The following PDZD8 variants were observed in gnomAD, a reference collection of about 807,000 sequenced individuals.
PDZD8 encodes the protein PDZ domain containing 8, also known as PDZ domain-containing protein 8.
A neutral mutation model predicts 85.8 loss-of-function variants in PDZD8; 14 were observed. The observed-to-expected ratio is 0.16, with a 90% CI of 0.11 to 0.26. The LOEUF is 0.26. Ranked by LOEUF, PDZD8 falls within the 10% of genes least tolerant of loss-of-function variation. The pLI, the probability that PDZD8 is intolerant of heterozygous loss-of-function variation, is 1.00. For missense variants in PDZD8, 1,197 were observed against 1,424.3 expected (o/e 0.84, Z 2.57); for synonymous variants, 592 against 568.6 (o/e 1.04, Z -0.59).
chr10:117,297,854 A>G (rs1843782096), intron 3 of PDZD8, among the ~76,000 whole-genome samples: 1 of 152,114 alleles, frequency 6.6e-6, no homozygotes, highest in South Asian at 2.1e-4. Flanking sequence ...TTTATTGTTT[A>G]AATTATACCT....
At chr10:117,328,098 T>C (rs1306761897) in intron 2 of PDZD8, among the ~76,000 whole-genome samples, 1 of 152,250 alleles carries the variant, frequency 6.6e-6, no homozygotes, top group Non-Finnish European at 1.5e-5. Flanking sequence ...AAATTATTTC[T>C]TAGGATTTAT....
At chr10:117,351,766 C>T (rs976190295) in intron 1 of PDZD8, among the ~76,000 whole-genome samples, 1 of 152,160 alleles carries the variant, frequency 6.6e-6, no homozygotes, top group Non-Finnish European at 1.5e-5. Flanking sequence ...TGGCTCACTA[C>T]AGCCTTGACC....
At chr10:117,371,920 G>C (rs886439784) in intron 1 of PDZD8, among the ~76,000 whole-genome samples, 1 of 151,980 alleles carries the variant, frequency 6.6e-6, no homozygotes. Context: ...TCCAGCTCTG[G>C]GCAACCGAAC....
At chr10:117,319,632 T>G (rs1844194687) in intron 2 of PDZD8, among the ~76,000 whole-genome samples, 1 of 152,104 alleles carries the variant, frequency 6.6e-6, no homozygotes, top group Admixed American at 6.6e-5. Flanking sequence ...ATTATTGTCT[T>G]GAAAACAATT....
chr10:117,311,449 A>G (rs1165349435), intron 3 of PDZD8, among the ~76,000 whole-genome samples: 1 of 152,210 alleles, frequency 6.6e-6, no homozygotes, highest in Non-Finnish European at 1.5e-5. Flanking sequence ...AGCCTTAGTC[A>G]TACCGAAAAC....
intron 1 of PDZD8, among the ~76,000 whole-genome samples, chr10:117,354,838 A>C (rs1844865884): frequency 6.6e-6 from 1 of 152,222 alleles, no homozygotes; most frequent in Non-Finnish European, 1.5e-5. Flanking sequence ...TCAGTGAGTG[A>C]TCATTTTAAA....
At chr10:117,313,742 C>T (rs999245587) in intron 3 of PDZD8, among the ~76,000 whole-genome samples, 1 of 118,460 alleles carries the variant, frequency 8.4e-6, no homozygotes, top group Non-Finnish European at 1.9e-5. Context: ...GTTTTTTTCT[C>T]CCAACTGATT....
At chr10:117,329,360 CTTT>C (rs1844376165) in intron 2 of PDZD8, among the ~76,000 whole-genome samples, 5 of 152,120 alleles carry the variant, frequency 3.3e-5, no homozygotes, top group Non-Finnish European at 7.4e-5. Flanking sequence ...TCAAAGTATT[CTTT>C]TAAAGGCAAA....
At chr10:117,351,100 T>C (rs1459787978) in intron 1 of PDZD8, among the ~76,000 whole-genome samples, 2 of 152,272 alleles carry the variant, frequency 1.3e-5, no homozygotes, top group African/African-American at 2.4e-5. Flanking sequence ...GTTTCGACTA[T>C]TAAAACTACT....
intron 2 of PDZD8, among the ~76,000 whole-genome samples, chr10:117,329,949 AAAGGAAGGAGGGAGGAAGGGAAGGAAGG>A (rs1468209817): frequency 7.5e-6 from 1 of 132,528 alleles, no homozygotes; most frequent in African/African-American, 2.8e-5. Flanking sequence ...CTGTCTCAAG[AAAGGAAGGAGGGAGGAAGGGAAGGAAGG>A]AAGGAAGGAA....
intron 3 of PDZD8, chr10:117,314,258 T>C (rs1844086351): frequency 6.6e-6 from 1 of 152,244 alleles, no homozygotes; most frequent in Non-Finnish European, 1.5e-5. Context: ...CTGGTATCAA[T>C]GATTTACCTT....
At chr10:117,338,698 C>T (rs1844557844) in intron 2 of PDZD8, among the ~76,000 whole-genome samples, 1 of 152,172 alleles carries the variant, frequency 6.6e-6, no homozygotes, top group African/African-American at 2.4e-5. Context: ...AAGTTGGTTA[C>T]AGGTACTTCA....
chr10:117,305,283 G>A (rs1035775591), intron 3 of PDZD8, among the ~76,000 whole-genome samples: 5 of 151,984 alleles, frequency 3.3e-5, no homozygotes, highest in African/African-American at 9.6e-5. Flanking sequence ...ATGGTAGTGC[G>A]TGCCAGTAAT....
Position 117,374,742 on chromosome 10 carries a change from G to A in PDZD8, c.486C>T (p.Leu162=), listed in dbSNP as rs775833294. 1 of 1,611,886 alleles carries A rather than the reference G, an allele frequency of 6.2e-7. No individual in the cohort carries two copies. Among genetic ancestry groups the A allele is most frequent in the East Asian group, 2.2e-5 (1 of 44,832 alleles). Residue 162 remains leucine, a synonymous_variant, in exon 1 of 5, where the codon CTC becomes CTT. Transcript: ENST00000334464. The surrounding 1 kb of genome is among the most constrained non-coding windows in gnomAD (Gnocchi z 7.8). ...TGGCCGAGGGCACGACTGGCCGCACGAGCCGGATGGTCTTGATGAAGGGCA... is the reference window on the plus strand; with the variant it reads ...TGGCCGAGGGCACGACTGGCCGCACAAGCCGGATGGTCTTGATGAAGGGCA... The part of the protein sequence containing the change: ...ETVPFIKTIR[L]VRPVVPSATG...
chr10:117,375,073 G>C lies in PDZD8; in HGVS notation c.155C>G (p.Pro52Arg), dbSNP rs764983191. 3.7e-6 allele frequency: 6 copies of C among 1,600,774 alleles called. No homozygotes were observed. Among genetic ancestry groups the C allele is most frequent in the Admixed American group, 1.7e-5 (1 of 59,566 alleles). Residue 52 changes from proline to arginine, a missense_variant, in exon 1 of 5, where the codon CCG becomes CGG. Pro to Arg is a moderately radical substitution (Grantham distance 103). Coordinates refer to ENST00000334464, the MANE Select transcript of PDZD8 (RefSeq NM_173791.5). The stretch of plus-strand genomic sequence containing the variant: ...AAGGTACTCCCTTAGGAGCAGGCCC[G>C]GCACTGGCTTGATGTAGCGGAAGCC... ...GEGFRYIKPV[P>R]GLLLREYLYG... is the part of the protein sequence containing the mutation.
chr10:117,349,246 C>T (rs1220199311), intron 1 of PDZD8, among the ~76,000 whole-genome samples: 1 of 151,782 alleles, frequency 6.6e-6, no homozygotes, highest in East Asian at 1.9e-4. Context: ...AGGAAATCTC[C>T]AAGAAATAAG....
At chr10:117,349,721 T>C (rs1474295802) in intron 1 of PDZD8, among the ~76,000 whole-genome samples, 2 of 152,192 alleles carry the variant, frequency 1.3e-5, no homozygotes, top group Non-Finnish European at 2.9e-5. Context: ...GAGGATCATT[T>C]GAGCCTGGGA....
At chr10:117,340,914 T>C (rs951046090) in intron 2 of PDZD8, 66 bp downstream of exon 2, 15 of 1,553,656 alleles carry the variant, frequency 9.7e-6, no homozygotes, top group African/African-American at 1.4e-5. Context: ...ACACAAATAC[T>C]GCTTAGGAAT....
At chr10:117,346,817 G>T (rs1044236852) in intron 1 of PDZD8, among the ~76,000 whole-genome samples, 2 of 151,872 alleles carry the variant, frequency 1.3e-5, no homozygotes. Flanking sequence ...CCAGGTGGAG[G>T]CCTCATTTGT....
Sources: gnomAD v4.1 joint callset for allele counts (sites outside exome capture counted in the v4.1 genomes callset) on GRCh38, gnomAD v4.1.1 for gene constraint, Gnocchi (gnomAD v3.1) non-coding constraint, MANE v1.5 for transcripts, NCBI Gene and HGNC (gene_info 2026-07-23, HGNC 2026-07-21) for gene names.